Variants in PBX4 observed in about 807,000 individuals in gnomAD.
The protein encoded by PBX4 is PBX homeobox 4.
In PBX4, 26 loss-of-function variants were observed where a neutral mutation model predicts 35.1. The observed-to-expected ratio is 0.74, with a 90% confidence interval of 0.54 to 1.03. The LOEUF is 1.03. PBX4 is among the 50% of genes least tolerant of loss of function. The probability of loss-of-function intolerance (pLI) is 0.00; values close to 1 mark genes in which losing one functional copy is unlikely to be tolerated. For synonymous variants in PBX4, 199 were observed against 204.2 expected (o/e 0.97, Z 0.22); for missense variants, 448 against 504.3 (o/e 0.89, Z 1.07).
At chr19:19,599,196 GC>G in intron 2 of PBX4, 95 bp downstream of exon 2, 1 of 1,032,976 alleles carries the variant, frequency 9.7e-7, no homozygotes, top group Non-Finnish European at 1.5e-6. Context: ...CTGGAATCCA[GC>G]CTCAGGTGAT....
intron 1 of PBX4, among the ~76,000 whole-genome samples, chr19:19,605,151 C>T (rs1342826631): frequency 6.6e-6 from 1 of 151,398 alleles, no homozygotes; most frequent in Admixed American, 6.6e-5. Context: ...GACACAGTGG[C>T]TCACGCCTGG....
At chr19:19,589,995 A>G (rs1046098458) in intron 2 of PBX4, among the ~76,000 whole-genome samples, 1 of 152,220 alleles carries the variant, frequency 6.6e-6, no homozygotes, top group East Asian at 1.9e-4. Context: ...GTGTATGTGC[A>G]CTAAGGCCTT....
At chr19:19,585,342 T>C (rs1315909506) in intron 2 of PBX4, among the ~76,000 whole-genome samples, 1 of 151,776 alleles carries the variant, frequency 6.6e-6, no homozygotes, top group Non-Finnish European at 1.5e-5. Flanking sequence ...AAAAGTAACA[T>C]TCTAGATAAA....
chr19:19,615,162 C>T (rs59899223), intron 1 of PBX4, among the ~76,000 whole-genome samples: 1,128 of 60,466 alleles, frequency 0.019, 14 homozygotes, highest in Admixed American at 0.026. Context: ...GAGACCCTGT[C>T]TCCAAAAAAA....
Position 19,599,351 on chromosome 19 carries a change from T to A in PBX4, c.134A>T (p.Asn45Ile). The change falls in exon 2 of 8, where the codon AAT becomes ATT. Residue 45 changes from asparagine (N) to isoleucine (I), a missense_variant. Physicochemically the swap from Asn to Ile is moderately radical, Grantham distance 149. Coordinates refer to ENST00000251203, the MANE Select transcript of PBX4 (RefSeq NM_025245.3). ...DEAQARKHAL[N>I]CHRMKPALFS... ...CAGAGCAGGCTTCATCCGATGGCAATTCAGAGCATGCTTTCTGAAAGGGAG... is the reference window on the plus strand; with the variant it reads ...CAGAGCAGGCTTCATCCGATGGCAAATCAGAGCATGCTTTCTGAAAGGGAG... 1.2e-6 allele frequency: 2 copies of A among 1,613,110 alleles called. No individual in the cohort carries two copies. Among genetic ancestry groups the A allele is most frequent in the Non-Finnish European group, 1.7e-6 (2 of 1,179,308 alleles).
At chr19:19,575,683 A>T (rs1010161692) in intron 2 of PBX4, among the ~76,000 whole-genome samples, 4 of 152,000 alleles carry the variant, frequency 2.6e-5, no homozygotes, top group African/African-American at 9.7e-5. Flanking sequence ...CTTTTCAAAC[A>T]CATCATGCTG....
At chr19:19,613,310 A>C (rs2061672383) in intron 1 of PBX4, among the ~76,000 whole-genome samples, 1 of 150,654 alleles carries the variant, frequency 6.6e-6, no homozygotes, top group Non-Finnish European at 1.5e-5. Context: ...TACTAAAAAA[A>C]TACCAAAATT....
intron 1 of PBX4, among the ~76,000 whole-genome samples, chr19:19,601,917 T>A (rs2144775705): frequency 6.6e-6 from 1 of 152,176 alleles, no homozygotes; most frequent in African/African-American, 2.4e-5. Context: ...GGCAGGCAGA[T>A]CGCTGGAGCT....
chr19:19,601,790 A>C (rs2061598744), intron 1 of PBX4, among the ~76,000 whole-genome samples: 2 of 152,306 alleles, frequency 1.3e-5, no homozygotes, highest in Admixed American at 6.5e-5. Flanking sequence ...GAACCAGCCC[A>C]TGGGCTCACT....
At chr19:19,591,815 C>T (rs1052281892) in intron 2 of PBX4, among the ~76,000 whole-genome samples, 3 of 152,222 alleles carry the variant, frequency 2.0e-5, no homozygotes, top group Non-Finnish European at 2.9e-5. Context: ...ATTCAGGCCA[C>T]GCCTCAGTCC....
intron 1 of PBX4, among the ~76,000 whole-genome samples, chr19:19,613,291 C>A (rs2061672187): frequency 6.6e-6 from 1 of 150,838 alleles, no homozygotes; most frequent in South Asian, 2.1e-4. Flanking sequence ...CATGGCAAAA[C>A]CCCGTCTCTA....
Position 19,597,552 on chromosome 19 carries a change from A to G in PBX4, c.193+1740T>C, listed in dbSNP as rs1180394470. On this transcript the variant is annotated intron_variant, in intron 2 of 7. Coordinates refer to ENST00000251203, the MANE Select transcript of PBX4 (RefSeq NM_025245.3). ...CTGTTCTCAACTACTATATATGTCA[A>G]GTACACATCAATCTTGCACCAAAAC... Among the ~76,000 whole-genome samples, 4 of 152,340 alleles carry G rather than the reference A, an allele frequency of 2.6e-5. No homozygotes were observed. The East Asian group carries it at 7.7e-4, about 29-fold the overall frequency.
At position 19,602,730 on chromosome 19, in the gene PBX4, T is replaced by A. The variant is rs1599376455; in HGVS notation, c.120-3365A>T. Among the ~76,000 whole-genome samples the A allele has an allele frequency of 4.4e-5, 6 of 137,202 alleles. 1 individual carries two copies. The South Asian group carries it at 1.4e-3, about 32-fold the overall frequency. 90.0% of individuals were successfully genotyped at this position (137,202 alleles called of 152,430 possible). On this transcript the variant is annotated intron_variant, in intron 1 of 7. Transcript: ENST00000251203. ...GATTATAGGCATGAGCCTGGACTAT[T>A]AATTATGTTTTTTTTTTATCTTGCT...
intron 1 of PBX4, among the ~76,000 whole-genome samples, chr19:19,613,667 A>G (rs2061674555): frequency 6.6e-6 from 1 of 152,096 alleles, no homozygotes; most frequent in Non-Finnish European, 1.5e-5. Flanking sequence ...GGACACACCC[A>G]AAGCTCTGCC....
At chr19:19,582,555 C>A (rs971697944) in intron 2 of PBX4, among the ~76,000 whole-genome samples, 35 of 152,098 alleles carry the variant, frequency 2.3e-4, no homozygotes, top group Admixed American at 2.3e-3. Flanking sequence ...CCCCTTTGGG[C>A]CCCCCATCCA....
chr19:19,569,499 C>T lies in PBX4; in HGVS notation c.718G>A (p.Glu240Lys), dbSNP rs749186272. 1.3e-5 allele frequency: 21 copies of T among 1,613,660 alleles called. No individual in the cohort carries two copies. The East Asian group carries it at 3.8e-4, about 29-fold the overall frequency. ...YSHLNNPYPS[E>K]EAKEELARKG... is the part of the protein sequence containing the mutation. ...CTGGCCAGCTCTTCTTTGGCTTCTT[C>T]GCTGGGGTAAGGGTTGTTCAGATGG... The change falls in exon 5 of 8, where the codon GAA (glutamate) becomes AAA (lysine). Residue 240 changes from glutamate to lysine, a missense_variant. Coordinates refer to ENST00000251203, the MANE Select transcript of PBX4 (RefSeq NM_025245.3).
chr19:19,570,279 C>T lies in PBX4; in HGVS notation c.462G>A (p.Thr154=), dbSNP rs567856973. The T allele has an allele frequency of 1.6e-5, 26 of 1,609,114 alleles. No homozygotes were observed. Among genetic ancestry groups the T allele is most frequent in the East Asian group, 8.9e-5 (4 of 44,830 alleles). The change falls in exon 4 of 8, where the codon ACG becomes ACA. Residue 154 remains threonine, a synonymous_variant. Coordinates refer to ENST00000251203, the MANE Select transcript of PBX4 (RefSeq NM_025245.3). ...GCTCCTGGAGGAGGTTGGTGACGTG[C>T]GTGGTGAACTCACGACAGGCCTGGG... ...KYEQACREFT[T]HVTNLLQEQS... is the part of the protein sequence containing the mutation.
intron 2 of PBX4, among the ~76,000 whole-genome samples, chr19:19,587,894 T>C (rs1008302641): frequency 5.3e-5 from 8 of 152,076 alleles, no homozygotes; most frequent in African/African-American, 1.9e-4. Flanking sequence ...GAGTGCTCTG[T>C]GAAGAATCCT....
At chr19:19,598,685 C>A (rs1218105145) in intron 2 of PBX4, among the ~76,000 whole-genome samples, 2 of 152,112 alleles carry the variant, frequency 1.3e-5, no homozygotes, top group East Asian at 3.8e-4. Context: ...GGTCTTCGAC[C>A]TAGAATGCAG....
Sources: gnomAD v4.1 joint callset for allele counts (sites outside exome capture counted in the v4.1 genomes callset) on GRCh38, gnomAD v4.1.1 for gene constraint, MANE v1.5 for transcripts, NCBI Gene and HGNC (gene_info 2026-07-23, HGNC 2026-07-21) for gene names.